The following FER variants were observed in gnomAD, a reference collection of about 807,000 sequenced individuals.
The protein encoded by FER is FER tyrosine kinase.
Under a neutral mutation model 111.0 loss-of-function variants are expected in FER, and 63 were observed. The observed-to-expected ratio is 0.57, with a 90% CI of 0.46 to 0.70. The LOEUF is 0.70. FER is among the 30% of genes least tolerant of loss of function. The pLI is 0.00. For synonymous variants in FER, 327 were observed against 313.9 expected (o/e 1.04, Z -0.44); for missense variants, 914 against 954.0 (o/e 0.96, Z 0.55).
chr5:109,084,736 T>G (rs1165017912), intron 16 of FER, among the ~76,000 whole-genome samples: 1 of 151,928 alleles, frequency 6.6e-6, no homozygotes, highest in Non-Finnish European at 1.5e-5. Flanking sequence ...GCCTTATACT[T>G]TAGATCTATA....
At chr5:109,127,711 T>A (rs1474848474) in intron 17 of FER, among the ~76,000 whole-genome samples, 1 of 152,130 alleles carries the variant, frequency 6.6e-6, no homozygotes, top group Non-Finnish European at 1.5e-5. Context: ...GCCTCCATTT[T>A]TATTTTTAAA....
At chr5:109,101,539 A>G (rs1748238840) in intron 17 of FER, among the ~76,000 whole-genome samples, 2 of 152,068 alleles carry the variant, frequency 1.3e-5, no homozygotes, top group African/African-American at 4.8e-5. Context: ...AATTTTACTC[A>G]GTGTTCAGCT....
intron 16 of FER, among the ~76,000 whole-genome samples, chr5:109,065,122 C>A (rs17161590): frequency 0.065 from 9,830 of 152,028 alleles, 1,035 homozygotes; most frequent in African/African-American, 0.22. Context: ...TCACCAATAA[C>A]CTATCCAATA....
chr5:108,900,023 C>G (rs1333282911), intron 10 of FER, among the ~76,000 whole-genome samples: 1 of 152,106 alleles, frequency 6.6e-6, no homozygotes, highest in Non-Finnish European at 1.5e-5. Context: ...CTGCATATTT[C>G]ATTTTATCAA....
intron 17 of FER, among the ~76,000 whole-genome samples, chr5:109,109,648 G>A (rs1749360508): frequency 1.3e-5 from 2 of 152,124 alleles, no homozygotes; most frequent in Non-Finnish European, 2.9e-5. Flanking sequence ...CAGCATCTCA[G>A]GGGGACCACA....
Position 108,954,933 on chromosome 5 carries a change from G to A in FER, c.1533+1G>A, listed in dbSNP as rs766775276. The A allele has an allele frequency of 6.2e-7, 1 of 1,600,880 alleles. No individual in the cohort carries two copies. The highest frequency in any genetic ancestry group is 8.5e-7 in the Non-Finnish European group (1 of 1,173,080). On this transcript the variant is annotated splice_donor_variant, in intron 12 of 19. Transcript: ENST00000281092. LOFTEE classifies it high-confidence loss of function. ...ACATTTTATCATACAATATGTTGATGTACGTTTCCAGTTTAGTTCATATGT... is the reference window on the plus strand; with the variant it reads ...ACATTTTATCATACAATATGTTGATATACGTTTCCAGTTTAGTTCATATGT...
intron 16 of FER, among the ~76,000 whole-genome samples, chr5:109,071,788 G>T (rs1775798016): frequency 6.6e-6 from 1 of 151,834 alleles, no homozygotes; most frequent in Non-Finnish European, 1.5e-5. Context: ...GACATCATGT[G>T]TCCAGAAATT....
intron 16 of FER, among the ~76,000 whole-genome samples, chr5:109,060,293 C>T (rs1388418491): frequency 2.0e-5 from 3 of 152,142 alleles, no homozygotes; most frequent in African/African-American, 7.2e-5. Flanking sequence ...CTTCAATATA[C>T]TTCTTAAGAA....
intron 13 of FER, among the ~76,000 whole-genome samples, chr5:108,991,846 C>T (rs943612195): frequency 6.8e-6 from 1 of 146,422 alleles, no homozygotes; most frequent in South Asian, 2.2e-4. Context: ...AATTCTATTT[C>T]CTTTTCTTTG....
chr5:108,819,571 G>C (rs1758630755), intron 3 of FER, among the ~76,000 whole-genome samples: 1 of 152,116 alleles, frequency 6.6e-6, no homozygotes, highest in Non-Finnish European at 1.5e-5. Flanking sequence ...ATAAGAGAAG[G>C]CCTGCTGCGA....
intron 17 of FER, among the ~76,000 whole-genome samples, chr5:109,175,569 T>A (rs4445019): frequency 0.73 from 110,479 of 152,096 alleles, 40,354 homozygotes; most frequent in African/African-American, 0.8. Context: ...CTTCAAAAGC[T>A]CAGGCAACTA....
intron 13 of FER, among the ~76,000 whole-genome samples, chr5:108,996,180 G>T (rs1434389133): frequency 6.6e-6 from 1 of 152,144 alleles, no homozygotes; most frequent in Non-Finnish European, 1.5e-5. Context: ...CAGATGGAGA[G>T]ATTGCAAAAA....
intron 2 of FER, among the ~76,000 whole-genome samples, chr5:108,793,087 G>T (rs1438495938): frequency 1.1e-4 from 16 of 152,102 alleles, no homozygotes; most frequent in African/African-American, 2.7e-4. Flanking sequence ...TAGTCACCCT[G>T]TTGTGCTATC....
At position 109,153,137 on chromosome 5, in the gene FER, G is replaced by A. The variant is rs78599889; in HGVS notation, c.2049-27610G>A. Among the ~76,000 whole-genome samples, 1,130 of 151,620 alleles carry A rather than the reference G, an allele frequency of 7.5e-3. 15 individuals carry two copies. Among genetic ancestry groups the A allele is most frequent in the African/African-American group, 0.026 (1,070 of 41,414 alleles). ...CATGAAGCCCTTTTTATGATCTCAT[G>A]AAGCAGAGAAAATTTCATTATACCA... On this transcript the variant is annotated intron_variant, in intron 17 of 19. Transcript: ENST00000281092.
intron 3 of FER, among the ~76,000 whole-genome samples, chr5:108,799,879 C>T (rs1756440589): frequency 1.4e-5 from 2 of 140,914 alleles, no homozygotes; most frequent in Non-Finnish European, 1.5e-5. Context: ...GTCTCACTTT[C>T]TCGCCCAGGC....
chr5:109,181,536 C>A (rs1758294558), intron 18 of FER, among the ~76,000 whole-genome samples: 1 of 151,882 alleles, frequency 6.6e-6, no homozygotes, highest in Admixed American at 6.6e-5. Flanking sequence ...AAAAAGTGTG[C>A]TTTAAATAAA....
At chr5:108,931,005 A>G (rs1754591700) in intron 10 of FER, among the ~76,000 whole-genome samples, 1 of 151,970 alleles carries the variant, frequency 6.6e-6, no homozygotes, top group Non-Finnish European at 1.5e-5. Context: ...TATAGATTTG[A>G]TTATAAGAAT....
At chr5:109,135,439 G>A (rs1752784542) in intron 17 of FER, among the ~76,000 whole-genome samples, 1 of 152,176 alleles carries the variant, frequency 6.6e-6, no homozygotes. Context: ...TCTTAATAGT[G>A]TGGGGCTTTT....
chr5:109,014,543 T>A (rs1766769485), intron 13 of FER, among the ~76,000 whole-genome samples: 1 of 152,152 alleles, frequency 6.6e-6, no homozygotes, highest in South Asian at 2.1e-4. Context: ...TCTTTTGGCT[T>A]AGGATTGACT....
Sources: allele counts gnomAD v4.1 joint callset (sites outside exome capture counted in the v4.1 genomes callset), GRCh38; gene constraint gnomAD v4.1.1; transcripts MANE v1.5; gene names NCBI Gene and HGNC (gene_info 2026-07-23, HGNC 2026-07-21).